Variants in SOS1 observed in about 807,000 individuals in gnomAD.
SOS1 encodes SOS Ras/Rac guanine nucleotide exchange factor 1, also known as son of sevenless homolog 1.
A neutral mutation model predicts 157.6 loss-of-function variants in SOS1; 25 were observed. That is an observed-to-expected ratio of 0.16 (90% CI 0.12 to 0.22). The LOEUF (loss-of-function observed/expected upper bound fraction) is 0.22, where lower values mean the gene tolerates loss of function less well. Among genes scored for constraint, SOS1 ranks in the 10% least tolerant of loss-of-function variants. SOS1 has a pLI of 1.00. For synonymous variants in SOS1, 528 were observed against 534.0 expected (o/e 0.99, Z 0.16); for missense variants, 1,237 against 1,599.1 (o/e 0.77, Z 3.86).
intron 1 of SOS1, among the ~76,000 whole-genome samples, chr2:39,087,122 T>G (rs942478846): frequency 1.3e-5 from 2 of 152,158 alleles, no homozygotes; most frequent in African/African-American, 4.8e-5. Flanking sequence ...TGACAGTTTT[T>G]GAAAATTATA....
intron 2 of SOS1, among the ~76,000 whole-genome samples, chr2:39,059,883 A>T (rs935558497): frequency 6.6e-6 from 1 of 152,116 alleles, no homozygotes; most frequent in Non-Finnish European, 1.5e-5. Flanking sequence ...TAATTAATGG[A>T]ATTAGAAGCA....
At chr2:39,043,509 G>A (rs9678988) in intron 6 of SOS1, among the ~76,000 whole-genome samples, 3,285 of 152,232 alleles carry the variant, frequency 0.022, 129 homozygotes, top group African/African-American at 0.073. Flanking sequence ...GTTTCCTGAA[G>A]ATTGGCAAAA....
intron 1 of SOS1, among the ~76,000 whole-genome samples, chr2:39,106,414 C>A (rs1166114643): frequency 2.0e-5 from 3 of 151,602 alleles, no homozygotes; most frequent in Non-Finnish European, 2.9e-5. Context: ...AACGGTGAAA[C>A]CCCGTCTCTA....
chr2:39,066,602 T>C (rs1671597126), intron 2 of SOS1, among the ~76,000 whole-genome samples: 1 of 152,144 alleles, frequency 6.6e-6, no homozygotes, highest in South Asian at 2.1e-4. Context: ...TCCCATATAC[T>C]CTTTACTCAT....
At chr2:39,054,551 T>G in intron 5 of SOS1, 63 bp downstream of exon 5, 1 of 951,710 alleles carries the variant, frequency 1.1e-6, no homozygotes, top group South Asian at 1.3e-5. Context: ...AACTTCAAAT[T>G]TGAAGTGGTC....
chr2:38,987,823 T>C (rs760677675), intron 21 of SOS1: 23 of 472,796 alleles, frequency 4.9e-5, no homozygotes, highest in Non-Finnish European at 8.0e-5. Context: ...TATTCTGTTA[T>C]TTTGCCTGAA....
At chr2:39,032,533 C>G (rs1050836903) in intron 8 of SOS1, among the ~76,000 whole-genome samples, 1 of 152,042 alleles carries the variant, frequency 6.6e-6, no homozygotes, top group African/African-American at 2.4e-5. Context: ...TATTGAAAGC[C>G]TAAATGCCAG....
chr2:38,982,122 T>C lies in SOS1; in HGVS notation c.*3702A>G, dbSNP rs1668417653. 6.6e-6 allele frequency: 1 copy of C among 152,164 alleles called. No homozygotes were observed. The highest frequency in any genetic ancestry group is 2.4e-5 in the African/African-American group (1 of 41,450). 9.4% of individuals were successfully genotyped at this position (152,164 alleles called of 1,614,324 possible). On this transcript the variant is annotated 3_prime_UTR_variant, in exon 23 of 23. Coordinates refer to ENST00000402219, the MANE Select transcript of SOS1 (RefSeq NM_005633.4). ...CCAATGTGACCCACTGTTAGCTAAT[T>C]TGCTTTATAATTCTGCAGCAATTGG...
intron 8 of SOS1, among the ~76,000 whole-genome samples, chr2:39,026,994 G>A (rs374688422): frequency 1.3e-5 from 2 of 152,164 alleles, no homozygotes; most frequent in South Asian, 4.1e-4. Flanking sequence ...CGATGAATTA[G>A]TTCACTGAGT....
intron 6 of SOS1, among the ~76,000 whole-genome samples, chr2:39,041,276 G>A (rs1261910470): frequency 6.6e-6 from 1 of 152,128 alleles, no homozygotes; most frequent in African/African-American, 2.4e-5. Context: ...AGGCTTCATA[G>A]AGGTTTTGAT....
At chr2:39,011,865 AG>A (rs1375472308) in intron 14 of SOS1, among the ~76,000 whole-genome samples, 1 of 152,196 alleles carries the variant, frequency 6.6e-6, no homozygotes, top group Admixed American at 6.5e-5. Context: ...AAAGTTGCCC[AG>A]GGCCAGCAAT....
intron 17 of SOS1, among the ~76,000 whole-genome samples, chr2:39,000,285 A>G (rs1669047300): frequency 6.6e-6 from 1 of 152,236 alleles, no homozygotes; most frequent in Non-Finnish European, 1.5e-5. Context: ...CTTTGATCTT[A>G]CACTGCATCA....
intron 1 of SOS1, among the ~76,000 whole-genome samples, chr2:39,068,934 A>AAG (rs1558498647): frequency 6.6e-6 from 1 of 152,112 alleles, no homozygotes; most frequent in Non-Finnish European, 1.5e-5. Flanking sequence ...GTGGTAGGGC[A>AAG]CTTACTGGAT....
chr2:39,104,574 G>A (rs1448370728), intron 1 of SOS1, among the ~76,000 whole-genome samples: 3 of 152,142 alleles, frequency 2.0e-5, no homozygotes, highest in Non-Finnish European at 2.9e-5. Context: ...TAACCACAGC[G>A]AATTACAAAA....
chr2:39,068,432 T>C (rs909443307), intron 1 of SOS1, among the ~76,000 whole-genome samples: 5 of 152,228 alleles, frequency 3.3e-5, no homozygotes, highest in Non-Finnish European at 7.3e-5. Flanking sequence ...TGACCTCCTA[T>C]GGGCCTCTGA....
chr2:39,078,678 T>A (rs1300077756), intron 1 of SOS1, among the ~76,000 whole-genome samples: 1 of 152,158 alleles, frequency 6.6e-6, no homozygotes, highest in Non-Finnish European at 1.5e-5. Context: ...ATCTAATGCC[T>A]GGTGATCTGA....
In SOS1 at chr2:38,986,131, TGTA is replaced by T; in HGVS notation, c.3692_3694del (p.Leu1231del). ...TTTGCCCAAAGGGGGAGGTTGGAGA[TGTA>T]GTGGTGAGCTTGAGAAAACATCAGG... On this transcript the variant is annotated inframe_deletion, in exon 23 of 23. Transcript: ENST00000402219. 3 of 1,613,580 alleles carry T rather than the reference TGTA, an allele frequency of 1.9e-6. No individual in the cohort carries two copies. The highest frequency in any genetic ancestry group is 1.3e-5 in the African/African-American group (1 of 74,876).
At chr2:39,001,481 G>T (rs916486007) in intron 17 of SOS1, among the ~76,000 whole-genome samples, 1 of 152,184 alleles carries the variant, frequency 6.6e-6, no homozygotes, top group African/African-American at 2.4e-5. Flanking sequence ...AGGAGTGACT[G>T]CCCTACTTTT....
intron 1 of SOS1, among the ~76,000 whole-genome samples, chr2:39,071,022 T>C (rs150799762): frequency 3.9e-5 from 6 of 152,168 alleles, no homozygotes; most frequent in Non-Finnish European, 7.4e-5. Context: ...GCCACCACGT[T>C]GGGCTAATTT....
Sources: gnomAD v4.1 joint callset for allele counts (sites outside exome capture counted in the v4.1 genomes callset) on GRCh38, gnomAD v4.1.1 for gene constraint, MANE v1.5 for transcripts, NCBI Gene and HGNC (gene_info 2026-07-23, HGNC 2026-07-21) for gene names.